The following STXBP5L variants were observed in gnomAD, a reference collection of about 807,000 sequenced individuals.
STXBP5L encodes the protein syntaxin binding protein 5L.
A neutral mutation model predicts 144.5 loss-of-function variants in STXBP5L; 65 were observed. The ratio of observed to expected loss-of-function variants is 0.45; its 90% CI spans 0.37 to 0.55. The LOEUF (loss-of-function observed/expected upper bound fraction) is 0.55, where lower values mean the gene tolerates loss of function less well. STXBP5L is among the 20% of genes least tolerant of loss of function. The probability of loss-of-function intolerance (pLI) is 0.00; values close to 1 mark genes in which losing one functional copy is unlikely to be tolerated. For missense variants in STXBP5L, 1,298 were observed against 1,405.5 expected (o/e 0.92, Z 1.22); for synonymous variants, 505 against 469.6 (o/e 1.08, Z -0.97).
At chr3:121,271,266 A>C (rs376031579) in intron 18 of STXBP5L, among the ~76,000 whole-genome samples, 1 of 152,148 alleles carries the variant, frequency 6.6e-6, no homozygotes, top group African/African-American at 2.4e-5. Flanking sequence ...TGTTTCTATC[A>C]TTTGTGCCTG....
intron 9 of STXBP5L, among the ~76,000 whole-genome samples, chr3:121,169,386 C>T (rs1285585874): frequency 6.6e-6 from 1 of 152,154 alleles, no homozygotes; most frequent in East Asian, 1.9e-4. Flanking sequence ...TTAAAAGACA[C>T]AGACTGGCAA....
chr3:121,116,382 T>C (rs1200452448), intron 6 of STXBP5L, among the ~76,000 whole-genome samples: 1 of 152,166 alleles, frequency 6.6e-6, no homozygotes, highest in Non-Finnish European at 1.5e-5. Flanking sequence ...TTACTAGTTA[T>C]ACTCTTGTCA....
chr3:120,908,264 C>A lies in STXBP5L; in HGVS notation c.-79C>A, dbSNP rs1321203435. 6.6e-6 allele frequency: 1 copy of A among 152,364 alleles called. No homozygotes were observed. The highest frequency in any genetic ancestry group is 1.9e-4 in the East Asian group (1 of 5,162). 9.4% of individuals were successfully genotyped at this position (152,364 alleles called of 1,614,324 possible). On this transcript the variant is annotated 5_prime_UTR_variant, in exon 1 of 27. Coordinates refer to ENST00000471454, the MANE Select transcript of STXBP5L (RefSeq NM_001308330.2). ...GCCGCGACCAGAGGGCCCAGAGAAG[C>A]GGCCGGAGCCCGCCTACCTCGGCCC...
rs560535785 is a variant in STXBP5L at position 121,316,622 on chromosome 3, A to G, written c.2111-1853A>G. 2.0e-5 allele frequency among the ~76,000 whole-genome samples: 3 copies of G among 152,318 alleles called. No individual in the cohort carries two copies. The South Asian group carries it at 6.2e-4, about 32-fold the overall frequency. ...TAGGTGGGAAAACGATAATTTATAT[A>G]AAGTATTTAGCGGAGGATTAGGTAC... On this transcript the variant is annotated intron_variant, in intron 19 of 26. Transcript: ENST00000471454.
intron 20 of STXBP5L, among the ~76,000 whole-genome samples, chr3:121,347,941 C>T (rs1328839288): frequency 5.9e-5 from 9 of 152,032 alleles, no homozygotes; most frequent in Admixed American, 2.0e-4. Context: ...GAATTGAATA[C>T]CCTTTATTTC....
At chr3:121,201,342 C>A (rs2048130808) in intron 9 of STXBP5L, among the ~76,000 whole-genome samples, 1 of 152,142 alleles carries the variant, frequency 6.6e-6, no homozygotes, top group Admixed American at 6.6e-5. Flanking sequence ...GCAACCCCTA[C>A]TGTTTTTTGC....
chr3:121,006,695 T>C (rs1944340082), intron 3 of STXBP5L, among the ~76,000 whole-genome samples: 1 of 152,214 alleles, frequency 6.6e-6, no homozygotes, highest in Non-Finnish European at 1.5e-5. Context: ...GTGCCAGTTT[T>C]TCCTTTCTAT....
intron 3 of STXBP5L, among the ~76,000 whole-genome samples, chr3:121,013,318 ATAAG>A (rs1273411031): frequency 2.0e-5 from 3 of 152,096 alleles, no homozygotes; most frequent in Non-Finnish European, 4.4e-5. Context: ...CCAATGGTAT[ATAAG>A]TGTTCCCTTT....
intron 5 of STXBP5L, among the ~76,000 whole-genome samples, chr3:121,089,562 A>T (rs1256290768): frequency 6.6e-6 from 1 of 151,440 alleles, no homozygotes; most frequent in Admixed American, 6.6e-5. Context: ...TTTATCTCAG[A>T]TAATTGGCTG....
At chr3:121,296,793 C>A (rs2051669314) in intron 19 of STXBP5L, among the ~76,000 whole-genome samples, 1 of 152,048 alleles carries the variant, frequency 6.6e-6, no homozygotes, top group Admixed American at 6.6e-5. Context: ...TTTGAAACAA[C>A]CCTAAATAGA....
chr3:121,254,526 G>C (rs1382946262), intron 15 of STXBP5L, among the ~76,000 whole-genome samples: 1 of 152,150 alleles, frequency 6.6e-6, no homozygotes, highest in Non-Finnish European at 1.5e-5. Context: ...GAATAGAGGA[G>C]TCTCCGCTAG....
chr3:121,355,189 A>G (rs907782138), intron 20 of STXBP5L, among the ~76,000 whole-genome samples: 2 of 152,080 alleles, frequency 1.3e-5, no homozygotes, highest in African/African-American at 4.8e-5. Context: ...CTCAAGGAGT[A>G]TCTTTGTAGT....
chr3:121,356,694 C>T (rs890980389), intron 20 of STXBP5L, among the ~76,000 whole-genome samples: 1 of 152,220 alleles, frequency 6.6e-6, no homozygotes, highest in Admixed American at 6.5e-5. Flanking sequence ...CCATGGGCTG[C>T]ACCCACTGTC....
intron 22 of STXBP5L, among the ~76,000 whole-genome samples, chr3:121,406,991 C>A (rs2047006648): frequency 6.6e-6 from 1 of 151,880 alleles, no homozygotes; most frequent in South Asian, 2.1e-4. Flanking sequence ...CATAATCTTT[C>A]TGGGTCTGTT....
chr3:121,151,647 A>G (rs1259168479), intron 7 of STXBP5L, among the ~76,000 whole-genome samples: 1 of 152,156 alleles, frequency 6.6e-6, no homozygotes, highest in Admixed American at 6.5e-5. Context: ...GTATTTGAAG[A>G]AAATCATCTT....
At chr3:121,026,049 A>G (rs1291466406) in intron 3 of STXBP5L, among the ~76,000 whole-genome samples, 2 of 147,432 alleles carry the variant, frequency 1.4e-5, no homozygotes, top group South Asian at 2.1e-4. Context: ...TATAATTATA[A>G]TTAAATTATA....
chr3:121,165,715 A>G (rs896370233), intron 9 of STXBP5L, among the ~76,000 whole-genome samples: 1 of 152,082 alleles, frequency 6.6e-6, no homozygotes, highest in Non-Finnish European at 1.5e-5. Flanking sequence ...TGTCTCACAG[A>G]TTGGACCCCA....
chr3:121,302,663 G>A lies in STXBP5L; in HGVS notation c.2111-15812G>A, dbSNP rs151323828. ...GGTATCAATTTTAGATCTTTCCACA[G>A]CATGGTACTGGTACCAGAGATATAG... On this transcript the variant is annotated intron_variant, in intron 19 of 26. Coordinates refer to ENST00000471454, the MANE Select transcript of STXBP5L (RefSeq NM_001308330.2). Among the ~76,000 whole-genome samples, 737 of 152,146 alleles carry A rather than the reference G, an allele frequency of 4.8e-3. 10 individuals are homozygous for A. The highest frequency in any genetic ancestry group is 0.016 in the African/African-American group (679 of 41,522).
At chr3:121,258,942 G>A (rs971405368) in intron 17 of STXBP5L, 101 bp from the exon 18 acceptor site, 1 of 1,197,734 alleles carries the variant, frequency 8.3e-7, no homozygotes, top group African/African-American at 1.6e-5. Context: ...GCAATGCCTG[G>A]TGTTGTATAT....
Sources: allele counts gnomAD v4.1 joint callset (sites outside exome capture counted in the v4.1 genomes callset), GRCh38; gene constraint gnomAD v4.1.1; transcripts MANE v1.5; gene names NCBI Gene and HGNC (gene_info 2026-07-23, HGNC 2026-07-21).